The following PDCD11 variants were observed in gnomAD, a reference collection of about 807,000 sequenced individuals.
PDCD11 encodes the protein programmed cell death 11, also known as protein RRP5 homolog.
In PDCD11, 97 loss-of-function variants were observed where a neutral mutation model predicts 198.9. The observed-to-expected ratio is 0.49, with a 90% CI of 0.41 to 0.58. The LOEUF (loss-of-function observed/expected upper bound fraction) is 0.58, where lower values mean the gene tolerates loss of function less well. Ranked by LOEUF, PDCD11 falls within the 20% of genes least tolerant of loss-of-function variation. The pLI is 0.00. For synonymous variants in PDCD11, 893 were observed against 918.0 expected (o/e 0.97, Z 0.49); for missense variants, 2,102 against 2,312.7 (o/e 0.91, Z 1.87).
chr10:103,409,268 G>C (rs2030648206), intron 7 of PDCD11, among the ~76,000 whole-genome samples: 1 of 151,896 alleles, frequency 6.6e-6, no homozygotes, highest in Admixed American at 6.6e-5. Context: ...ACTCCATAAG[G>C]GTGACTTGGC....
Position 103,425,296 on chromosome 10 carries a change from G to C in PDCD11, c.3076G>C (p.Gly1026Arg). 6.2e-7 allele frequency: 1 copy of C among 1,614,136 alleles called. No homozygotes were observed. The highest frequency in any genetic ancestry group is 8.5e-7 in the Non-Finnish European group (1 of 1,180,034). The change falls in exon 20 of 36, where the codon GGG becomes CGG. Residue 1026 changes from glycine to arginine, a missense_variant. Transcript: ENST00000369797. ...AGAAGTGGATCCAGCTCTGACTGTA[G>C]GGACCATAAAGAAGCACACCCTCTC... ...DEEVDPALTV[G>R]TIKKHTLSIG...
chr10:103,398,174 T>A (rs2093447264), intron 1 of PDCD11, among the ~76,000 whole-genome samples: 1 of 152,254 alleles, frequency 6.6e-6, no homozygotes, highest in Admixed American at 6.5e-5. Flanking sequence ...GAGTATGTGC[T>A]ACATTGAATC....
At chr10:103,418,111 C>T (rs1230315212) in intron 14 of PDCD11, among the ~76,000 whole-genome samples, 179 bp downstream of exon 14, 1 of 152,130 alleles carries the variant, frequency 6.6e-6, no homozygotes, top group African/African-American at 2.4e-5. Flanking sequence ...GGAAGCTGTC[C>T]CTGAAAGTCC....
intron 4 of PDCD11, among the ~76,000 whole-genome samples, chr10:103,403,756 G>A (rs189416178): frequency 6.6e-6 from 1 of 152,310 alleles, no homozygotes; most frequent in African/African-American, 2.4e-5. Context: ...TTAGAGACAA[G>A]TTAGGAGGCT....
At chr10:103,419,836 C>T in intron 16 of PDCD11, 128 bp downstream of exon 16, 1 of 816,408 alleles carries the variant, frequency 1.2e-6, no homozygotes, top group Non-Finnish European at 1.8e-6. Context: ...GTCGCCCAGG[C>T]TGGCTTGCAG....
intron 22 of PDCD11, 21 bp downstream of exon 22, chr10:103,432,255 G>T: frequency 6.9e-7 from 1 of 1,456,444 alleles, no homozygotes; most frequent in Non-Finnish European, 9.6e-7. Flanking sequence ...TTGCCACTCG[G>T]CAATGAGATG....
intron 30 of PDCD11, 60 bp from the exon 31 acceptor site, chr10:103,441,765 AC>A: frequency 6.6e-7 from 1 of 1,524,746 alleles, no homozygotes; most frequent in Non-Finnish European, 9.0e-7. Context: ...GTGGGCTGGC[AC>A]GGGGGAACAG....
chr10:103,398,589 A>T, intron 2 of PDCD11, 61 bp downstream of exon 2: 1 of 1,065,866 alleles, frequency 9.4e-7, no homozygotes, highest in Non-Finnish European at 1.4e-6. Context: ...GTCTTGTGAA[A>T]AATGAGCCTT....
At chr10:103,426,659 G>A (rs2031707202) in intron 20 of PDCD11, among the ~76,000 whole-genome samples, 1 of 151,982 alleles carries the variant, frequency 6.6e-6, no homozygotes, top group Admixed American at 6.6e-5. Context: ...CGGGCACAGT[G>A]CCTGTAGTCC....
At chr10:103,421,287 A>T (rs1288575947) in intron 16 of PDCD11, 61 bp from the exon 17 acceptor site, 2 of 1,350,250 alleles carry the variant, frequency 1.5e-6, no homozygotes, top group African/African-American at 2.9e-5. Flanking sequence ...CAGGAACATC[A>T]AGTGGGTTGT....
At chr10:103,433,164 T>A (rs77679857) in intron 22 of PDCD11, among the ~76,000 whole-genome samples, 388 of 152,268 alleles carry the variant, frequency 2.5e-3, no homozygotes, top group African/African-American at 8.2e-3. Context: ...TAGTAGCTGC[T>A]CGATAAATGA....
chr10:103,427,363 A>G lies in PDCD11; in HGVS notation c.3340A>G (p.Thr1114Ala). The part of the protein sequence containing the change: ...LPISHPRFVR[T>A]IPELSVRPSE... Reference sequence around the variant, plus strand: ...AATAAGTCACCCCAGATTCGTTCGAACCATCCCGGAGCTGAGTGTTCGGCC... The same window carrying G: ...AATAAGTCACCCCAGATTCGTTCGAGCCATCCCGGAGCTGAGTGTTCGGCC... Residue 1114 changes from threonine (T) to alanine (A), a missense_variant, in exon 21 of 36, where the codon ACC becomes GCC. Thr to Ala is a moderately conservative substitution (Grantham distance 58, BLOSUM62 0). Transcript: ENST00000369797. The G allele has an allele frequency of 1.2e-6, 2 of 1,612,918 alleles. No homozygotes were observed. Among genetic ancestry groups the G allele is most frequent in the Non-Finnish European group, 1.7e-6 (2 of 1,179,428 alleles).
intron 9 of PDCD11, 83 bp downstream of exon 9, chr10:103,413,405 T>A: frequency 5.4e-6 from 6 of 1,105,870 alleles, no homozygotes; most frequent in Non-Finnish European, 8.0e-6. Context: ...GCTTCTTTCA[T>A]TCCTTGATGC....
chr10:103,420,968 C>T (rs949131404), intron 16 of PDCD11, among the ~76,000 whole-genome samples: 3 of 151,954 alleles, frequency 2.0e-5, no homozygotes, highest in East Asian at 1.9e-4. Context: ...CTCTGCCTCC[C>T]GGATTCAAGT....
At position 103,423,084 on chromosome 10, in the gene PDCD11, G is replaced by C; in HGVS notation, c.2594G>C (p.Ser865Thr). The C allele has an allele frequency of 1.2e-6, 2 of 1,606,066 alleles. No homozygotes were observed. The highest frequency in any genetic ancestry group is 1.1e-5 in the South Asian group (1 of 89,652). The change falls in exon 18 of 36, where the codon AGT becomes ACT. Residue 865 changes from serine (S) to threonine (T), a missense_variant. Coordinates refer to ENST00000369797, the MANE Select transcript of PDCD11 (RefSeq NM_014976.2). ...EVLEDGSVVF[S>T]GGPVPDLVLK... ...TTGGAAGATGGCTCTGTGGTATTCA[G>C]TGGGGGTCCAGTGCCCGACCTGGTC...
At chr10:103,434,175 G>T in intron 23 of PDCD11, 73 bp from the exon 24 acceptor site, 1 of 1,223,796 alleles carries the variant, frequency 8.2e-7, no homozygotes, top group East Asian at 2.3e-5. Context: ...TTGCTTTGGA[G>T]ACTTAAATGC....
At chr10:103,409,661 A>C (rs1296148641) in intron 7 of PDCD11, 38 bp from the exon 8 acceptor site, 2 of 1,498,474 alleles carry the variant, frequency 1.3e-6, no homozygotes, top group Non-Finnish European at 1.9e-6. Flanking sequence ...GGTTCTTTCA[A>C]AGAACTTTTT....
rs777856587 is a variant in PDCD11, at chr10:103,398,440, A to G, written c.14A>G (p.Glu5Gly). Residue 5 changes from glutamate to glycine, a missense_variant, in exon 2 of 36, where the codon GAA (glutamate) becomes GGA (glycine). Transcript: ENST00000369797. ...GGAGACCCAAACATGGCAAACCTGG[A>G]AGAAAGCTTCCCCCGAGGAGGTACA... MANLEESFPRGGTRK... is the reference protein window; with the variant it reads MANLGESFPRGGTRK... 1.9e-6 allele frequency: 3 copies of G among 1,613,730 alleles called. No individual in the cohort carries two copies. The highest frequency in any genetic ancestry group is 2.5e-6 in the Non-Finnish European group (3 of 1,179,592).
chr10:103,405,276 A>G, intron 5 of PDCD11, 93 bp downstream of exon 5: 4 of 1,247,766 alleles, frequency 3.2e-6, no homozygotes, highest in Non-Finnish European at 4.6e-6. Context: ...CTTTCAGCTC[A>G]ATTGTGACAC....
Sources: gnomAD v4.1 joint callset for allele counts (sites outside exome capture counted in the v4.1 genomes callset) on GRCh38, gnomAD v4.1.1 for gene constraint, MANE v1.5 for transcripts, NCBI Gene and HGNC (gene_info 2026-07-23, HGNC 2026-07-21) for gene names.